PAWR: variants seen among roughly 807,000 people sequenced by gnomAD.
PAWR encodes the protein PRKC apoptosis WT1 regulator protein.
In PAWR, 23 loss-of-function variants were observed where a neutral mutation model predicts 32.0. The observed-to-expected ratio is 0.72, with a 90% CI of 0.52 to 1.02. The LOEUF is 1.02. Ranked by LOEUF, PAWR falls within the 50% of genes least tolerant of loss-of-function variation. PAWR has a pLI of 0.00. For synonymous variants in PAWR, 226 were observed against 187.1 expected (o/e 1.21, Z -1.70); for missense variants, 457 against 437.7 (o/e 1.04, Z -0.39).
intron 2 of PAWR, among the ~76,000 whole-genome samples, chr12:79,659,494 A>G (rs1343537834): frequency 1.3e-5 from 2 of 152,272 alleles, no homozygotes; most frequent in East Asian, 3.9e-4. Flanking sequence ...CCAATTCCCC[A>G]TTTGTACAGA....
At chr12:79,681,945 G>GA (rs1274201666) in intron 2 of PAWR, among the ~76,000 whole-genome samples, 4 of 151,770 alleles carry the variant, frequency 2.6e-5, no homozygotes, top group African/African-American at 7.3e-5. Flanking sequence ...AAATATTCTG[G>GA]AAAAAACTCC....
At chr12:79,620,724 G>A (rs1460588429) in intron 3 of PAWR, among the ~76,000 whole-genome samples, 1 of 152,206 alleles carries the variant, frequency 6.6e-6, no homozygotes, top group African/African-American at 2.4e-5. Context: ...AGGATGAAGT[G>A]AATGTTCACA....
rs2491341 is a variant in PAWR at position 79,651,713 on chromosome 12, G to T, written c.517-30506C>A. ...CTCACAAAAAAATGGCGGGGGCTGG[G>T]GGGGTGGGGCCAGGTGGGAATTTCG... On this transcript the variant is annotated intron_variant, in intron 2 of 6. Transcript: ENST00000328827. Among the ~76,000 whole-genome samples the T allele has an allele frequency of 5.1e-3, 735 of 145,248 alleles. 5 individuals carry two copies. The highest frequency in any genetic ancestry group is 0.018 in the African/African-American group (696 of 39,714).
At chr12:79,662,079 T>C (rs532313426) in intron 2 of PAWR, among the ~76,000 whole-genome samples, 1 of 151,858 alleles carries the variant, frequency 6.6e-6, no homozygotes, top group African/African-American at 2.4e-5. Flanking sequence ...ATACGCATAG[T>C]AGCATTTAGC....
In PAWR at chr12:79,590,967, A is replaced by ATAGATAAAATTATGTCAATTCCAGGGT. The variant is rs1258505010; in HGVS notation, c.*1613_*1639dup. On this transcript the variant is annotated 3_prime_UTR_variant, in exon 7 of 7. Coordinates refer to ENST00000328827, the MANE Select transcript of PAWR (RefSeq NM_002583.4). ...ATAAACTAAAAGGGGAGAAATGCTG[A>ATAGATAAAATTATGTCAATTCCAGGGT]TAGATAAAATTATGTCAATTCCAGG... The ATAGATAAAATTATGTCAATTCCAGGGT allele has an allele frequency of 4.6e-5, 7 of 152,242 alleles. No individual in the cohort carries two copies. The highest frequency in any genetic ancestry group is 8.8e-5 in the Non-Finnish European group (6 of 68,028). The allele number at this position is 152,242 out of a possible 1,614,324, so 9.4% of individuals were successfully genotyped here.
chr12:79,610,196 C>G (rs1295726977), intron 4 of PAWR, among the ~76,000 whole-genome samples: 1 of 152,198 alleles, frequency 6.6e-6, no homozygotes, highest in African/African-American at 2.4e-5. Context: ...TACTGAGGTA[C>G]CTGGTAGATG....
At chr12:79,613,655 A>ATACT in intron 3 of PAWR, 46 bp from the exon 4 acceptor site, 2 of 980,498 alleles carry the variant, frequency 2.0e-6, no homozygotes, top group Non-Finnish European at 3.1e-6. Context: ...ATGTATGTAC[A>ATACT]CAATTACTTA....
intron 2 of PAWR, among the ~76,000 whole-genome samples, chr12:79,651,457 C>G (rs1876840944): frequency 1.3e-5 from 2 of 152,228 alleles, no homozygotes; most frequent in African/African-American, 2.4e-5. Context: ...AGATCTTCAT[C>G]TTCCGTATCT....
At chr12:79,687,740 T>G (rs1018498143) in intron 2 of PAWR, among the ~76,000 whole-genome samples, 1 of 152,040 alleles carries the variant, frequency 6.6e-6, no homozygotes, top group Admixed American at 6.5e-5. Context: ...TATAAACACA[T>G]GAAAATGGCT....
At chr12:79,632,499 T>C (rs1424822871) in intron 2 of PAWR, among the ~76,000 whole-genome samples, 1 of 150,022 alleles carries the variant, frequency 6.7e-6, no homozygotes, top group Non-Finnish European at 1.5e-5. Flanking sequence ...GGTGAGACTA[T>C]GGGTGCTTGC....
chr12:79,589,038 G>A lies in PAWR; in HGVS notation c.*3569C>T, dbSNP rs1873469807. 1 of 151,832 alleles carries A rather than the reference G, an allele frequency of 6.6e-6. No homozygotes were observed. The highest frequency in any genetic ancestry group is 6.6e-5 in the Admixed American group (1 of 15,230). The allele number at this position is 151,832 out of a possible 1,614,324, so 9.4% of individuals were successfully genotyped here. A position where few individuals can be genotyped will look rare whatever the true frequency, so the allele number is the denominator to read the frequency against. ...TCAGATAATATCAATTACAATCTTA[G>A]AGACTGTAATTGGGAATACAATCCT... is the stretch of plus-strand genomic sequence containing the variant. On this transcript the variant is annotated 3_prime_UTR_variant, in exon 7 of 7. Transcript: ENST00000328827.
chr12:79,661,900 G>C lies in PAWR; in HGVS notation c.516+27829C>G, dbSNP rs139098946. On this transcript the variant is annotated intron_variant, in intron 2 of 6. Coordinates refer to ENST00000328827, the MANE Select transcript of PAWR (RefSeq NM_002583.4). ...CATATTCAGAAGGTAAAATGGAAAA[G>C]TAACAAAAAGTAAAAATAAATAAAA... Among the ~76,000 whole-genome samples, 737 of 152,042 alleles carry C rather than the reference G, an allele frequency of 4.8e-3. 7 individuals carry two copies. The highest frequency in any genetic ancestry group is 0.017 in the African/African-American group (700 of 41,484).
At chr12:79,680,796 A>G (rs1392873333) in intron 2 of PAWR, among the ~76,000 whole-genome samples, 2 of 152,108 alleles carry the variant, frequency 1.3e-5, no homozygotes, top group African/African-American at 4.8e-5. Flanking sequence ...TTTCCTGAGC[A>G]ATGTTTCAGG....
chr12:79,619,848 A>G (rs996994284), intron 3 of PAWR, among the ~76,000 whole-genome samples: 2 of 152,250 alleles, frequency 1.3e-5, no homozygotes, highest in Admixed American at 1.3e-4. Context: ...TTGGCAAAGC[A>G]CAAACTGTTT....
At chr12:79,626,573 T>C (rs1875336150) in intron 2 of PAWR, among the ~76,000 whole-genome samples, 1 of 151,118 alleles carries the variant, frequency 6.6e-6, no homozygotes, top group African/African-American at 2.4e-5. Flanking sequence ...GACAACTTTT[T>C]TTTTCCTTTT....
At chr12:79,601,478 T>A (rs1044478733) in intron 4 of PAWR, among the ~76,000 whole-genome samples, 11 of 152,108 alleles carry the variant, frequency 7.2e-5, no homozygotes, top group Admixed American at 7.2e-4. Context: ...GTGCTTGGAG[T>A]AGAAGTCTGA....
At chr12:79,626,161 CT>C (rs1285696074) in intron 2 of PAWR, among the ~76,000 whole-genome samples, 1 of 35,850 alleles carries the variant, frequency 2.8e-5, no homozygotes, top group Non-Finnish European at 4.5e-5. Context: ...GAGACTCCAT[CT>C]TAAAAAAAAA....
intron 2 of PAWR, among the ~76,000 whole-genome samples, chr12:79,660,708 C>T (rs990329143): frequency 5.3e-5 from 8 of 151,362 alleles, no homozygotes; most frequent in African/African-American, 1.2e-4. Context: ...CTCAGTCTCC[C>T]GAGTAGCTGG....
At chr12:79,664,209 T>C (rs1285408826) in intron 2 of PAWR, among the ~76,000 whole-genome samples, 4 of 152,128 alleles carry the variant, frequency 2.6e-5, no homozygotes, top group Non-Finnish European at 4.4e-5. Flanking sequence ...ACTTCAAGGG[T>C]TGAGACTGCA....
Sources: gnomAD v4.1 joint callset for allele counts (sites outside exome capture counted in the v4.1 genomes callset) on GRCh38, gnomAD v4.1.1 for gene constraint, MANE v1.5 for transcripts, NCBI Gene and HGNC (gene_info 2026-07-23, HGNC 2026-07-21) for gene names.